Variants in PTGER4 observed in about 807,000 individuals in gnomAD.
PTGER4 encodes prostaglandin E receptor 4.
A neutral mutation model predicts 33.2 loss-of-function variants in PTGER4; 11 were observed. That is an observed-to-expected ratio of 0.33 (90% CI 0.21 to 0.55). The LOEUF (loss-of-function observed/expected upper bound fraction) is 0.55, where lower values mean the gene tolerates loss of function less well. Among genes scored for constraint, PTGER4 ranks in the 20% least tolerant of loss-of-function variants. The probability of loss-of-function intolerance (pLI) is 0.92; values close to 1 mark genes in which losing one functional copy is unlikely to be tolerated. For synonymous variants in PTGER4, 275 were observed against 281.5 expected (o/e 0.98, Z 0.23); for missense variants, 481 against 650.2 (o/e 0.74, Z 2.83).
the PTGER4 span, among the ~76,000 whole-genome samples, chr5:40,713,276 A>T: frequency 6.6e-6 from 1 of 152,168 alleles, no homozygotes. Flanking sequence ...ATTAAAAGAA[A>T]TGATTGTTAA....
At chr5:40,728,297 T>TAAAAAAAAAAAAAAAAA in the PTGER4 span, 2 of 401,714 alleles carry the variant, frequency 5.0e-6, no homozygotes, top group Non-Finnish European at 6.6e-6. Context: ...AAAAAAAAAG[T>TAAAAAAAAAAAAAAAAA]CAAAATATAC....
the PTGER4 span, among the ~76,000 whole-genome samples, chr5:40,703,807 G>A: frequency 1.3e-5 from 2 of 149,748 alleles, no homozygotes; most frequent in Non-Finnish European, 1.5e-5. Context: ...GGGGGCTGAG[G>A]CAGGAGAATT....
chr5:40,680,050 C>G lies in PTGER4; in HGVS notation c.-472C>G, dbSNP rs1741145575. The G allele has an allele frequency of 6.6e-6, 1 of 152,662 alleles. No homozygotes were observed. The highest frequency in any genetic ancestry group is 1.5e-5 in the Non-Finnish European group (1 of 68,422). 9.5% of individuals were successfully genotyped at this position (152,662 alleles called of 1,614,324 possible). The stretch of plus-strand genomic sequence containing the variant: ...AGCCAGGAGCGGCCTCAGCGGCAGC[C>G]GCAAACTCCAGTAGCCGCCCGTGCT... On this transcript the variant is annotated 5_prime_UTR_variant, in exon 1 of 3. Coordinates refer to ENST00000302472, the MANE Select transcript of PTGER4 (RefSeq NM_000958.3). The surrounding 1 kb of genome is among the most constrained non-coding windows in gnomAD (Gnocchi z 5.5).
downstream of PTGER4, among the ~76,000 whole-genome samples, chr5:40,697,656 T>A (rs532769138): frequency 6.1e-5 from 9 of 146,464 alleles, no homozygotes; most frequent in South Asian, 2.0e-3. Context: ...TTTGGCAAAA[T>A]CAAAGGGAGT....
At chr5:40,727,401 G>A in the PTGER4 span, among the ~76,000 whole-genome samples, 1 of 152,152 alleles carries the variant, frequency 6.6e-6, no homozygotes, top group African/African-American at 2.4e-5. Context: ...CCTGCCAAAA[G>A]AAAAACAACA....
chr5:40,710,297 A>G, the PTGER4 span, among the ~76,000 whole-genome samples: 1 of 152,266 alleles, frequency 6.6e-6, no homozygotes, highest in Non-Finnish European at 1.5e-5. Flanking sequence ...AAAAGAAGAC[A>G]TTTATGCAGC....
the PTGER4 span, among the ~76,000 whole-genome samples, chr5:40,713,403 G>A: frequency 1.3e-5 from 2 of 152,126 alleles, no homozygotes; most frequent in Non-Finnish European, 2.9e-5. Context: ...CTGAGACAGA[G>A]CTTTTAAAAA....
At position 40,681,252 on chromosome 5, in the gene PTGER4, G is replaced by A. The variant is rs1315787137; in HGVS notation, c.259G>A (p.Gly87Arg). The A allele has an allele frequency of 6.2e-7, 1 of 1,614,132 alleles. No homozygotes were observed. The highest frequency in any genetic ancestry group is 8.5e-7 in the Non-Finnish European group (1 of 1,180,022). Residue 87 changes from glycine to arginine, a missense_variant, in exon 2 of 3, where the codon GGG (glycine) becomes AGG (arginine). Gly to Arg is a moderately radical substitution (Grantham distance 125, BLOSUM62 -2). Around this residue, in one of 7 missense-constraint regions of PTGER4, gnomAD observed 61 missense variants for 145.2 expected, o/e 0.42. Transcript: ENST00000302472. The surrounding 1 kb of genome is among the most constrained non-coding windows in gnomAD (Gnocchi z 9.8). ...IATYMKGQWP[G>R]GQPLCEYSTF... is the part of the protein sequence containing the mutation. The stretch of plus-strand genomic sequence containing the variant: ...CACGTACATGAAGGGCCAATGGCCC[G>A]GGGGCCAGCCGCTGTGCGAGTACAG...
the PTGER4 span, among the ~76,000 whole-genome samples, chr5:40,738,623 G>C: frequency 6.8e-6 from 1 of 146,826 alleles, no homozygotes; most frequent in East Asian, 2.1e-4. Flanking sequence ...GAAACAACCA[G>C]ACAGTTTGCC....
In PTGER4 at chr5:40,692,160, G is replaced by C. The variant is rs747488426; in HGVS notation, c.1249G>C (p.Gly417Arg). The C allele has an allele frequency of 6.2e-7, 1 of 1,614,242 alleles. No homozygotes were observed. The highest frequency in any genetic ancestry group is 8.5e-7 in the Non-Finnish European group (1 of 1,180,050). Reference protein sequence around the residue: ...NGLGGRNLLPGVPGMGLAQED... With the variant: ...NGLGGRNLLPRVPGMGLAQED... The stretch of plus-strand genomic sequence containing the variant: ...CCTTGGAGGCAGGAATTTGCTTCCA[G>C]GTGTGCCTGGCATGGGCCTGGCCCA... The change falls in exon 3 of 3, where the codon GGT (glycine) becomes CGT (arginine). Residue 417 changes from glycine (G) to arginine (R), a missense_variant. Gly to Arg is a moderately radical substitution (Grantham distance 125). Coordinates refer to ENST00000302472, the MANE Select transcript of PTGER4 (RefSeq NM_000958.3).
At chr5:40,697,280 A>AAGAG (rs1466571465), downstream of PTGER4, among the ~76,000 whole-genome samples, 1 of 131,536 alleles carries the variant, frequency 7.6e-6, no homozygotes, top group African/African-American at 2.6e-5. Context: ...GAAAGAAAGA[A>AAGAG]AGAAAGAAAG....
the PTGER4 span, among the ~76,000 whole-genome samples, chr5:40,722,786 C>G: frequency 6.6e-6 from 1 of 151,066 alleles, no homozygotes; most frequent in Admixed American, 6.6e-5. Flanking sequence ...CGGGGCAGCC[C>G]CCGCCCAGCC....
chr5:40,694,074 A>AGAG (rs1741534125), downstream of PTGER4, among the ~76,000 whole-genome samples: 1 of 152,016 alleles, frequency 6.6e-6, no homozygotes, highest in African/African-American at 2.4e-5. Context: ...TTTTTGAGAC[A>AGAG]GAGTCTTGCT....
chr5:40,719,603 AT>A, the PTGER4 span, among the ~76,000 whole-genome samples: 1 of 152,198 alleles, frequency 6.6e-6, no homozygotes, highest in South Asian at 2.1e-4. Context: ...TATATGTTTC[AT>A]TTTTTTGAGG....
the PTGER4 span, among the ~76,000 whole-genome samples, chr5:40,711,819 T>C: frequency 6.6e-6 from 1 of 152,092 alleles, no homozygotes; most frequent in Non-Finnish European, 1.5e-5. Flanking sequence ...GTGCATATTA[T>C]ATGGCCTATT....
At chr5:40,744,698 G>A in the PTGER4 span, among the ~76,000 whole-genome samples, 7 of 152,030 alleles carry the variant, frequency 4.6e-5, no homozygotes, top group Admixed American at 3.3e-4. Flanking sequence ...TCATACATAT[G>A]TCTTCTAAAA....
the PTGER4 span, among the ~76,000 whole-genome samples, chr5:40,740,943 A>G: frequency 6.6e-6 from 1 of 152,074 alleles, no homozygotes; most frequent in Admixed American, 6.5e-5. Flanking sequence ...TTTTTTTAAT[A>G]TATCTTCCAT....
At chr5:40,724,889 G>A in the PTGER4 span, among the ~76,000 whole-genome samples, 1 of 141,582 alleles carries the variant, frequency 7.1e-6, no homozygotes, top group Admixed American at 7.2e-5. Flanking sequence ...GTCTCACTCT[G>A]TCACTCATGC....
At chr5:40,730,303 A>G in the PTGER4 span, 3 of 1,612,296 alleles carry the variant, frequency 1.9e-6, no homozygotes, top group Admixed American at 5.0e-5. Flanking sequence ...TTTGGAGTTA[A>G]CTGTAGTGCT....
Sources: gnomAD v4.1 joint callset for allele counts (sites outside exome capture counted in the v4.1 genomes callset) on GRCh38, gnomAD v4.1.1 for gene constraint, gnomAD v4.1.1 regional missense constraint, Gnocchi (gnomAD v3.1) non-coding constraint, MANE v1.5 for transcripts, NCBI Gene and HGNC (gene_info 2026-07-23, HGNC 2026-07-21) for gene names.